Variants in PRKN observed in about 807,000 individuals in gnomAD.
PRKN encodes parkin RBR E3 ubiquitin protein ligase.
In PRKN, 56 loss-of-function variants were observed where a neutral mutation model predicts 59.5. The ratio of observed to expected loss-of-function variants is 0.94; its 90% CI spans 0.76 to 1.18. The LOEUF (loss-of-function observed/expected upper bound fraction) is 1.18, where lower values mean the gene tolerates loss of function less well. Among genes scored for constraint, PRKN ranks in the 50% most tolerant of loss-of-function variants. The pLI is 0.00. For missense variants in PRKN, 657 were observed against 596.4 expected (o/e 1.10, Z -1.06); for synonymous variants, 250 against 222.1 (o/e 1.13, Z -1.12).
chr6:161,905,928 T>TAAAA (rs750946937), intron 6 of PRKN, among the ~76,000 whole-genome samples: 7 of 105,002 alleles, frequency 6.7e-5, no homozygotes, highest in African/African-American at 2.6e-4. Context: ...CCACTGCATC[T>TAAAA]AAAAAAAAAA....
chr6:162,084,712 T>C (rs1412228250), intron 4 of PRKN, among the ~76,000 whole-genome samples: 4 of 152,092 alleles, frequency 2.6e-5, no homozygotes, highest in Non-Finnish European at 5.9e-5. Flanking sequence ...TTTCCTATAC[T>C]CTGTGTTACT....
intron 3 of PRKN, among the ~76,000 whole-genome samples, chr6:162,228,930 C>A (rs935784280): frequency 2.6e-5 from 4 of 152,156 alleles, no homozygotes; most frequent in African/African-American, 9.7e-5. Flanking sequence ...CCACCAGTAG[C>A]TGCTGCTTTG....
intron 7 of PRKN, among the ~76,000 whole-genome samples, chr6:161,607,705 T>A (rs1009201281): frequency 6.6e-6 from 1 of 152,116 alleles, no homozygotes; most frequent in African/African-American, 2.4e-5. Flanking sequence ...GATGTAGGAA[T>A]CCCAGAAAGA....
chr6:162,351,203 T>A (rs1232292707), intron 2 of PRKN, among the ~76,000 whole-genome samples: 1 of 151,134 alleles, frequency 6.6e-6, no homozygotes, highest in East Asian at 1.9e-4. Flanking sequence ...AAAATAAAAA[T>A]AAAAAATAAA....
chr6:161,741,941 GATTTATTTATTTATTTATTT>G (rs71805664), intron 7 of PRKN, among the ~76,000 whole-genome samples: 6 of 143,880 alleles, frequency 4.2e-5, no homozygotes, highest in East Asian at 2.1e-4. Flanking sequence ...GATCTGATGG[GATTTATTTATTTATTTATTT>G]ATTTATTTAT....
intron 7 of PRKN, among the ~76,000 whole-genome samples, chr6:161,614,379 A>G (rs1452049803): frequency 6.6e-6 from 1 of 152,238 alleles, no homozygotes; most frequent in East Asian, 1.9e-4. Context: ...CTATTAAGCA[A>G]CTCAACAACA....
intron 6 of PRKN, among the ~76,000 whole-genome samples, chr6:161,949,737 A>T (rs989227470): frequency 6.6e-6 from 1 of 152,086 alleles, no homozygotes; most frequent in Non-Finnish European, 1.5e-5. Context: ...GGGATGACTA[A>T]CCACCTCCTC....
intron 6 of PRKN, among the ~76,000 whole-genome samples, chr6:161,902,383 T>A (rs1056739235): frequency 6.6e-6 from 1 of 152,090 alleles, no homozygotes; most frequent in Non-Finnish European, 1.5e-5. Context: ...GTGTTGTGAT[T>A]CAATAAGAAG....
chr6:161,931,436 AG>A (rs1779168129), intron 6 of PRKN, among the ~76,000 whole-genome samples: 1 of 152,144 alleles, frequency 6.6e-6, no homozygotes, highest in Non-Finnish European at 1.5e-5. Context: ...CATGGCACCC[AG>A]CACCCCCAGA....
At chr6:162,384,071 A>G (rs934830827) in intron 2 of PRKN, among the ~76,000 whole-genome samples, 1 of 152,156 alleles carries the variant, frequency 6.6e-6, no homozygotes, top group Non-Finnish European at 1.5e-5. Context: ...GACCACTAAA[A>G]TGTTCTCCAC....
At chr6:161,597,398 C>A (rs1473715178) in intron 7 of PRKN, among the ~76,000 whole-genome samples, 1 of 152,352 alleles carries the variant, frequency 6.6e-6, no homozygotes, top group South Asian at 2.1e-4. Flanking sequence ...GTAAGGATTA[C>A]TGGCAACCCA....
intron 2 of PRKN, among the ~76,000 whole-genome samples, chr6:162,432,939 T>C (rs532642105): frequency 6.6e-6 from 1 of 152,290 alleles, no homozygotes; most frequent in East Asian, 1.9e-4. Flanking sequence ...TCCATTAGAA[T>C]AGAATATAGT....
chr6:161,619,696 A>G (rs75039429), intron 7 of PRKN, among the ~76,000 whole-genome samples: 324 of 152,284 alleles, frequency 2.1e-3, no homozygotes, highest in African/African-American at 7.6e-3. Flanking sequence ...CTGAGACAGC[A>G]GAGTCTAGAA....
At chr6:161,374,284 A>ATGTG (rs998646661) in intron 10 of PRKN, among the ~76,000 whole-genome samples, 8 of 147,474 alleles carry the variant, frequency 5.4e-5, no homozygotes, top group African/African-American at 1.8e-4. Context: ...GTGTGTATGT[A>ATGTG]TGTGTGTGTG....
chr6:162,415,635 T>C (rs1390247104), intron 2 of PRKN, among the ~76,000 whole-genome samples: 1 of 151,980 alleles, frequency 6.6e-6, no homozygotes, highest in Non-Finnish European at 1.5e-5. Flanking sequence ...CTGGCCAACA[T>C]GATGAAACCC....
chr6:162,619,885 A>C (rs1782589863), intron 1 of PRKN, among the ~76,000 whole-genome samples: 1 of 152,144 alleles, frequency 6.6e-6, no homozygotes, highest in Non-Finnish European at 1.5e-5. Flanking sequence ...TTTCCATTTT[A>C]TACATATTCT....
rs1175202893 is a variant in PRKN, at chr6:162,556,342, G to GGGGTGTGTGTGTGTGTGTGTGTGT, written c.8-112870_8-112869insACACACACACACACACACACACCC. ...GAAACCAAGCAGTAACTACTCAGCT[G>GGGGTGTGTGTGTGTGTGTGTGTGT]GTGTGTGTGTGTGTGTGTGTGTGTG... is the stretch of plus-strand genomic sequence containing the variant. On this transcript the variant is annotated intron_variant, in intron 1 of 11. Transcript: ENST00000366898. Among the ~76,000 whole-genome samples the GGGGTGTGTGTGTGTGTGTGTGTGT allele has an allele frequency of 6.8e-4, 39 of 57,300 alleles. 4 individuals carry two copies. The highest frequency in any genetic ancestry group is 2.0e-3 in the South Asian group (2 of 1,004). 37.6% of individuals were successfully genotyped at this position (57,300 alleles called of 152,430 possible).
intron 7 of PRKN, among the ~76,000 whole-genome samples, chr6:161,613,014 T>C (rs1323051396): frequency 6.6e-6 from 1 of 152,212 alleles, no homozygotes; most frequent in African/African-American, 2.4e-5. Context: ...TTGAGTCTTA[T>C]TAAGAAATAT....
At chr6:162,264,056 T>C (rs775000650) in intron 2 of PRKN, among the ~76,000 whole-genome samples, 1 of 152,028 alleles carries the variant, frequency 6.6e-6, no homozygotes, top group Non-Finnish European at 1.5e-5. Context: ...GGCGGATCAC[T>C]TGAGGCCAGT....
Sources: allele counts gnomAD v4.1 joint callset (sites outside exome capture counted in the v4.1 genomes callset), GRCh38; gene constraint gnomAD v4.1.1; transcripts MANE v1.5; gene names NCBI Gene and HGNC (gene_info 2026-07-23, HGNC 2026-07-21).